Variants in CNTNAP2 observed in about 807,000 individuals in gnomAD.
The protein encoded by CNTNAP2 is contactin associated protein 2.
A neutral mutation model predicts 155.2 loss-of-function variants in CNTNAP2; 98 were observed. The observed-to-expected ratio is 0.63, with a 90% confidence interval of 0.54 to 0.75. CNTNAP2 has a LOEUF of 0.75. CNTNAP2 is among the 30% of genes least tolerant of loss of function. The pLI, the probability that CNTNAP2 is intolerant of heterozygous loss-of-function variation, is 0.00. For synonymous variants in CNTNAP2, 651 were observed against 631.2 expected, an observed-to-expected ratio of 1.03 and a Z score of -0.47; for missense variants, 1,727 against 1,688.1, an observed-to-expected ratio of 1.02 and a Z score of -0.40.
intron 1 of CNTNAP2, among the ~76,000 whole-genome samples, chr7:146,232,566 ATTG>A (rs1208968835): frequency 2.0e-5 from 3 of 151,938 alleles, no homozygotes; most frequent in Non-Finnish European, 4.4e-5. Context: ...ATAAGAATCT[ATTG>A]TTTTTTTGGT....
chr7:147,405,782 C>T (rs1401313980), intron 10 of CNTNAP2, among the ~76,000 whole-genome samples: 2 of 152,098 alleles, frequency 1.3e-5, no homozygotes, highest in African/African-American at 2.4e-5. Context: ...ATTCATAAAG[C>T]CCAAGGTGAA....
At chr7:146,543,928 C>T (rs1411344533) in intron 1 of CNTNAP2, among the ~76,000 whole-genome samples, 1 of 151,720 alleles carries the variant, frequency 6.6e-6, no homozygotes, top group Non-Finnish European at 1.5e-5. Flanking sequence ...TCTAATGAAC[C>T]TCATTTTGCA....
rs148507051 is a variant in CNTNAP2, at chr7:146,129,626, C to A, written c.97+12653C>A. Among the ~76,000 whole-genome samples the A allele has an allele frequency of 2.9e-4, 44 of 152,258 alleles. 1 individual carries two copies. The highest frequency in any genetic ancestry group is 1.1e-3 in the African/African-American group (44 of 41,560). The stretch of plus-strand genomic sequence containing the variant: ...ACTAAAAGTATCTTCCAGTTATTTT[C>A]TTTATTATCCACTTTATCAGCTTCC... On this transcript the variant is annotated intron_variant, in intron 1 of 23. Transcript: ENST00000361727.
chr7:148,040,295 A>G (rs1399594158), intron 15 of CNTNAP2, among the ~76,000 whole-genome samples: 1 of 152,246 alleles, frequency 6.6e-6, no homozygotes, highest in South Asian at 2.1e-4. Context: ...AAAATAATGT[A>G]TGCTCAAGAT....
At chr7:146,274,072 C>T (rs1201287906) in intron 1 of CNTNAP2, among the ~76,000 whole-genome samples, 2 of 152,056 alleles carry the variant, frequency 1.3e-5, no homozygotes, top group African/African-American at 4.8e-5. Flanking sequence ...ATGCAAAGTG[C>T]TTGGCTGCAG....
chr7:147,786,338 C>T (rs1033209062), intron 13 of CNTNAP2, among the ~76,000 whole-genome samples: 6 of 151,294 alleles, frequency 4.0e-5, no homozygotes, highest in African/African-American at 1.5e-4. Context: ...GGCAGGTCCT[C>T]ACCAGACCCA....
intron 4 of CNTNAP2, among the ~76,000 whole-genome samples, chr7:147,084,052 A>C (rs1379208387): frequency 8.3e-6 from 1 of 120,926 alleles, no homozygotes; most frequent in Non-Finnish European, 1.6e-5. Flanking sequence ...ATAATGCTAT[A>C]TATGTATATA....
chr7:146,976,801 C>T (rs1797920244), intron 3 of CNTNAP2, among the ~76,000 whole-genome samples: 1 of 152,156 alleles, frequency 6.6e-6, no homozygotes, highest in South Asian at 2.1e-4. Flanking sequence ...TAGCGAAACC[C>T]GGCAAAGCCT....
chr7:146,481,312 T>A (rs1369792735), intron 1 of CNTNAP2, among the ~76,000 whole-genome samples: 1 of 152,230 alleles, frequency 6.6e-6, no homozygotes, highest in Non-Finnish European at 1.5e-5. Context: ...GTAATATCTG[T>A]GCATACAGGA....
In CNTNAP2 at chr7:146,969,118, G is replaced by T. The variant is rs28787698; in HGVS notation, c.403-74789G>T. On this transcript the variant is annotated intron_variant, in intron 3 of 23. Coordinates refer to ENST00000361727, the MANE Select transcript of CNTNAP2 (RefSeq NM_014141.6). The stretch of plus-strand genomic sequence containing the variant: ...TGTTCAGTTTCCATGTAGTTGAGCG[G>T]TTTTGAGTGAGTTTCTTAATCCTGA... Among the ~76,000 whole-genome samples, 622 of 151,238 alleles carry T rather than the reference G, an allele frequency of 4.1e-3. 6 individuals carry two copies. The highest frequency in any genetic ancestry group is 0.014 in the African/African-American group (588 of 41,210).
At chr7:147,381,294 T>C (rs1438747985) in intron 9 of CNTNAP2, among the ~76,000 whole-genome samples, 1 of 152,180 alleles carries the variant, frequency 6.6e-6, no homozygotes, top group Non-Finnish European at 1.5e-5. Context: ...CTTAAACCAG[T>C]TCTGGCTATT....
At chr7:146,204,261 T>A (rs1171418846) in intron 1 of CNTNAP2, among the ~76,000 whole-genome samples, 1 of 152,128 alleles carries the variant, frequency 6.6e-6, no homozygotes, top group Non-Finnish European at 1.5e-5. Flanking sequence ...ACTAATTAGT[T>A]AATAGATCTT....
intron 1 of CNTNAP2, among the ~76,000 whole-genome samples, chr7:146,535,893 G>C (rs932037959): frequency 1.3e-5 from 2 of 150,918 alleles, no homozygotes; most frequent in African/African-American, 4.9e-5. Flanking sequence ...AGTGTAGATG[G>C]ATGGAGTTTC....
At chr7:146,925,512 TTTG>T (rs1563004471) in intron 3 of CNTNAP2, among the ~76,000 whole-genome samples, 1 of 152,090 alleles carries the variant, frequency 6.6e-6, no homozygotes, top group Admixed American at 6.6e-5. Context: ...AAATTGATCA[TTTG>T]TTAATTATGT....
chr7:147,563,627 C>CAATA (rs35385008), intron 12 of CNTNAP2, among the ~76,000 whole-genome samples: 1,910 of 149,196 alleles, frequency 0.013, 28 homozygotes, highest in African/African-American at 0.035. Context: ...GACTCCATCT[C>CAATA]AATAAATAAA....
intron 7 of CNTNAP2, among the ~76,000 whole-genome samples, chr7:147,131,896 T>C (rs1235884097): frequency 6.6e-6 from 1 of 151,548 alleles, no homozygotes; most frequent in Admixed American, 6.6e-5. Flanking sequence ...AGCAGTAGCT[T>C]TGCTGTCTTC....
chr7:146,651,118 C>T (rs1435466176), intron 1 of CNTNAP2, among the ~76,000 whole-genome samples: 1 of 152,016 alleles, frequency 6.6e-6, no homozygotes, highest in East Asian at 1.9e-4. Context: ...GAATTCTAAA[C>T]CCTCTTAACT....
At chr7:146,268,408 G>C (rs1800028294) in intron 1 of CNTNAP2, among the ~76,000 whole-genome samples, 1 of 152,100 alleles carries the variant, frequency 6.6e-6, no homozygotes, top group Non-Finnish European at 1.5e-5. Flanking sequence ...CTAACCAATT[G>C]GAGGTGCCAC....
chr7:146,553,717 G>T (rs1206921491), intron 1 of CNTNAP2, among the ~76,000 whole-genome samples: 1 of 151,938 alleles, frequency 6.6e-6, no homozygotes, highest in African/African-American at 2.4e-5. Flanking sequence ...TTTAAAAGTT[G>T]CTATATCACA....
Sources: allele counts gnomAD v4.1 joint callset (sites outside exome capture counted in the v4.1 genomes callset), GRCh38; gene constraint gnomAD v4.1.1; transcripts MANE v1.5; gene names NCBI Gene and HGNC (gene_info 2026-07-23, HGNC 2026-07-21).